The following GPR141 variants were observed in gnomAD, a reference collection of about 807,000 sequenced individuals.
GPR141 encodes G protein-coupled receptor 141, also known as probable G protein-coupled receptor 141.
GPR141 carries 6 observed loss-of-function variants against 6.8 expected under a neutral mutation model. The observed-to-expected ratio is 0.88, with a 90% CI of 0.48 to 1.74. GPR141 has a LOEUF of 1.74. Ranked by LOEUF, GPR141 falls within the 40% of genes most tolerant of loss-of-function variation. The pLI, the probability that GPR141 is intolerant of heterozygous loss-of-function variation, is 0.01. For synonymous variants in GPR141, 140 were observed against 142.3 expected (o/e 0.98, Z 0.11); for missense variants, 372 against 372.9 (o/e 1.00, Z 0.02).
At chr7:37,730,159 C>G (rs1273223651) in intron 2 of GPR141, 1 of 152,058 alleles carries the variant, frequency 6.6e-6, no homozygotes, top group Non-Finnish European at 1.5e-5. Context: ...CTTTGTTTCC[C>G]CCCTTCTTTC....
Position 37,742,605 on chromosome 7 carries a change from G to T in GPR141, c.*1294G>T, listed in dbSNP as rs1001591114. Among the ~76,000 whole-genome samples, 1 of 152,106 alleles carries T rather than the reference G, an allele frequency of 6.6e-6. No individual in the cohort carries two copies. Among genetic ancestry groups the T allele is most frequent in the East Asian group, 1.9e-4 (1 of 5,196 alleles). ...GTTTTTAAAAGAGGACTTTTGAGAAGTATATAGAAAAACCATTAATTTAGA... is the reference window on the plus strand; with the variant it reads ...GTTTTTAAAAGAGGACTTTTGAGAATTATATAGAAAAACCATTAATTTAGA... On this transcript the variant is annotated 3_prime_UTR_variant, in exon 3 of 3. Coordinates refer to ENST00000334425, the MANE Select transcript of GPR141 (RefSeq NM_001381946.1).
rs190271754 is a variant in GPR141 at position 37,719,153 on chromosome 7, A to G, written c.-14-21227A>G. ...TTCTGGTTGGTTCTGCCATGCCAGA[A>G]TCAAAGGTTGGACCCGGAAACAAAT... On this transcript the variant is annotated intron_variant, in intron 2 of 2. Coordinates refer to ENST00000334425, the MANE Select transcript of GPR141 (RefSeq NM_001381946.1). Among the ~76,000 whole-genome samples the G allele has an allele frequency of 2.0e-5, 3 of 152,346 alleles. No homozygotes were observed. The East Asian group carries it at 5.8e-4, about 29-fold the overall frequency.
At chr7:37,698,445 C>T (rs923282141) in intron 2 of GPR141, among the ~76,000 whole-genome samples, 1 of 152,164 alleles carries the variant, frequency 6.6e-6, no homozygotes, top group African/African-American at 2.4e-5. Context: ...GTGTGTAGGG[C>T]TTATGACTCA....
chr7:37,685,764 T>C (rs1368327362), intron 2 of GPR141, among the ~76,000 whole-genome samples, 181 bp downstream of exon 2: 1 of 150,500 alleles, frequency 6.6e-6, no homozygotes, highest in East Asian at 1.9e-4. Context: ...TTTTTTTTTT[T>C]TTTTTTTTTT....
chr7:37,698,258 A>G (rs933609466), intron 2 of GPR141, among the ~76,000 whole-genome samples: 3 of 152,256 alleles, frequency 2.0e-5, no homozygotes, highest in East Asian at 1.9e-4. Flanking sequence ...GTGAGGATCA[A>G]AAGTAATAAT....
At chr7:37,738,166 T>C (rs1187463151) in intron 2 of GPR141, among the ~76,000 whole-genome samples, 1 of 152,218 alleles carries the variant, frequency 6.6e-6, no homozygotes, top group Non-Finnish European at 1.5e-5. Flanking sequence ...TAATAATACA[T>C]TACACAATTA....
intron 2 of GPR141, among the ~76,000 whole-genome samples, chr7:37,720,682 A>G (rs1475471321): frequency 1.3e-5 from 2 of 150,444 alleles, no homozygotes. Context: ...CGGAGCTTGC[A>G]GTGAGCTGAG....
intron 2 of GPR141, among the ~76,000 whole-genome samples, chr7:37,690,701 T>C (rs12671626): frequency 6.6e-6 from 1 of 152,130 alleles, no homozygotes; most frequent in Non-Finnish European, 1.5e-5. Flanking sequence ...TTCTTTTAAA[T>C]GTGTTGAGGA....
In GPR141 at chr7:37,740,540, A is replaced by G. The variant is rs773176877; in HGVS notation, c.147A>G (p.Ser49=). 5 of 1,614,004 alleles carry G rather than the reference A, an allele frequency of 3.1e-6. No individual in the cohort carries two copies. The Admixed American group carries it at 5.0e-5, about 16-fold the overall frequency. ...TCCTGGTGAAAATGAACACCCGGTCAGTGACCACCATGGCGGTCATTAACT... is the reference window on the plus strand; with the variant it reads ...TCCTGGTGAAAATGAACACCCGGTCGGTGACCACCATGGCGGTCATTAACT... ...LFLLVKMNTR[S]VTTMAVINLV... Residue 49 remains serine (S), a synonymous_variant, in exon 3 of 3, where the codon TCA becomes TCG. Coordinates refer to ENST00000334425, the MANE Select transcript of GPR141 (RefSeq NM_001381946.1).
intron 2 of GPR141, among the ~76,000 whole-genome samples, chr7:37,737,190 A>G (rs143711164): frequency 1.2e-3 from 185 of 152,322 alleles, no homozygotes; most frequent in African/African-American, 4.3e-3. Flanking sequence ...AAGAATCATT[A>G]TTTGAAATAA....
At chr7:37,707,084 G>A (rs1810558492) in intron 2 of GPR141, among the ~76,000 whole-genome samples, 2 of 152,094 alleles carry the variant, frequency 1.3e-5, no homozygotes, top group South Asian at 4.1e-4. Context: ...TGGTGGTGGA[G>A]CCAGACAGAA....
At chr7:37,717,174 A>G (rs1811089277) in intron 2 of GPR141, among the ~76,000 whole-genome samples, 1 of 152,224 alleles carries the variant, frequency 6.6e-6, no homozygotes, top group South Asian at 2.1e-4. Context: ...TTTCCTAAAT[A>G]CATAATAGAC....
chr7:37,739,912 A>G (rs1812441742), intron 2 of GPR141, among the ~76,000 whole-genome samples: 1 of 152,228 alleles, frequency 6.6e-6, no homozygotes, highest in Non-Finnish European at 1.5e-5. Flanking sequence ...TGAATTAAGT[A>G]TGAATATTCT....
chr7:37,684,168 C>A (rs1395775257), intron 1 of GPR141, among the ~76,000 whole-genome samples: 2 of 152,172 alleles, frequency 1.3e-5, no homozygotes, highest in Non-Finnish European at 2.9e-5. Flanking sequence ...TGTCAAAAAA[C>A]CAGCTAAACA....
chr7:37,685,086 C>T (rs1195403968), intron 1 of GPR141: 1 of 152,180 alleles, frequency 6.6e-6, no homozygotes, highest in Non-Finnish European at 1.5e-5. Context: ...CCATTTAAAA[C>T]TATAAAAACC....
At chr7:37,722,923 TTTCCTTCCTTCCTTCC>T (rs796368390) in intron 2 of GPR141, among the ~76,000 whole-genome samples, 6,493 of 112,230 alleles carry the variant, frequency 0.058, 248 homozygotes, top group African/African-American at 0.085. Flanking sequence ...TTCTTTTTCC[TTTCCTTCCTTCCTTCC>T]TTCCTTCCTT....
rs75920374 is a variant in GPR141 at position 37,688,599 on chromosome 7, C to T, written c.-15+3016C>T. Among the ~76,000 whole-genome samples, 434 of 152,310 alleles carry T rather than the reference C, an allele frequency of 2.8e-3. 9 individuals are homozygous for T. Among genetic ancestry groups the T allele is most frequent in the African/African-American group, 0.01 (424 of 41,544 alleles). The stretch of plus-strand genomic sequence containing the variant: ...GGCCATGCTACTGAGACGCACTCAT[C>T]CTTCCTGGCCAGAAGTCCTCTCTCC... On this transcript the variant is annotated intron_variant, in intron 2 of 2. Transcript: ENST00000334425.
At chr7:37,704,652 C>T (rs765646181) in intron 2 of GPR141, among the ~76,000 whole-genome samples, 3 of 152,048 alleles carry the variant, frequency 2.0e-5, no homozygotes, top group Non-Finnish European at 4.4e-5. Context: ...TCAGTGTGGT[C>T]GAGTCCAATC....
intron 2 of GPR141, among the ~76,000 whole-genome samples, chr7:37,740,110 A>T (rs1239568625): frequency 6.6e-6 from 1 of 152,130 alleles, no homozygotes; most frequent in East Asian, 1.9e-4. Context: ...GTTTTATGTA[A>T]ATTGTCTTAT....
Sources: allele counts gnomAD v4.1 joint callset (sites outside exome capture counted in the v4.1 genomes callset), GRCh38; gene constraint gnomAD v4.1.1; transcripts MANE v1.5; gene names NCBI Gene and HGNC (gene_info 2026-07-23, HGNC 2026-07-21).